NFX1: variants seen among roughly 807,000 people sequenced by gnomAD.
The protein encoded by NFX1 is nuclear transcription factor, X-box binding 1.
Under a neutral mutation model 137.2 loss-of-function variants are expected in NFX1, and 69 were observed. The observed-to-expected ratio is 0.50, with a 90% confidence interval of 0.41 to 0.61. The LOEUF is 0.61. Ranked by LOEUF, NFX1 falls within the 20% of genes least tolerant of loss-of-function variation. NFX1 has a pLI of 0.00. For synonymous variants in NFX1, 495 were observed against 474.1 expected, an observed-to-expected ratio of 1.04 and a Z score of -0.57; for missense variants, 1,167 against 1,391.0, an observed-to-expected ratio of 0.84 and a Z score of 2.56.
At chr9:33,300,678 G>C (rs2118218763) in intron 2 of NFX1, among the ~76,000 whole-genome samples, 1 of 152,332 alleles carries the variant, frequency 6.6e-6, no homozygotes, top group African/African-American at 2.4e-5. Flanking sequence ...ACACTGGTCT[G>C]TGTCACTGGA....
chr9:33,316,389 G>A (rs1822164245), intron 7 of NFX1, among the ~76,000 whole-genome samples: 2 of 151,772 alleles, frequency 1.3e-5, no homozygotes, highest in Admixed American at 6.6e-5. Context: ...CAAGTAGCTG[G>A]CACTACAGAT....
chr9:33,333,894 C>T (rs1020975328), intron 11 of NFX1, among the ~76,000 whole-genome samples: 7 of 152,186 alleles, frequency 4.6e-5, no homozygotes, highest in African/African-American at 1.4e-4. Context: ...CCTGTAATCC[C>T]AGCACTTTGG....
At chr9:33,351,864 G>A (rs2118640781) in intron 16 of NFX1, 74 bp downstream of exon 16, 1 of 1,286,120 alleles carries the variant, frequency 7.8e-7, no homozygotes, top group Non-Finnish European at 1.0e-6. Context: ...ACTGTCTACA[G>A]TGGCCCCTGG....
chr9:33,369,995 T>C lies in NFX1; in HGVS notation c.*17T>C, dbSNP rs1587887961. The C allele has an allele frequency of 1.9e-6, 3 of 1,592,672 alleles. No homozygotes were observed. The South Asian group carries it at 3.3e-5, about 18-fold the overall frequency. ...CAGGACTAAGAAGATCATGATGCAC[T>C]TAGATAAAAGAATGATTAGGTATAG... On this transcript the variant is annotated 3_prime_UTR_variant, in exon 24 of 24. Transcript: ENST00000379540.
At chr9:33,295,459 G>A (rs767403488) in intron 2 of NFX1, 32 bp downstream of exon 2, 8 of 1,563,344 alleles carry the variant, frequency 5.1e-6, no homozygotes, top group Non-Finnish European at 6.9e-6. Flanking sequence ...ATATTTTGTT[G>A]TCTTTTTAAT....
intron 16 of NFX1, 80 bp downstream of exon 16, chr9:33,351,870 C>T: frequency 8.4e-7 from 1 of 1,194,008 alleles, no homozygotes; most frequent in Admixed American, 3.0e-5. Context: ...TACAGTGGCC[C>T]CTGGGCATGC....
intron 10 of NFX1, 31 bp downstream of exon 10, chr9:33,328,709 C>T: frequency 4.0e-6 from 6 of 1,516,040 alleles, no homozygotes; most frequent in Non-Finnish European, 5.5e-6. Context: ...GAGTTGTTGC[C>T]ATCAATGTTT....
intron 9 of NFX1, among the ~76,000 whole-genome samples, chr9:33,328,307 G>T (rs528002430): frequency 2.6e-4 from 40 of 152,120 alleles, no homozygotes; most frequent in African/African-American, 8.7e-4. Flanking sequence ...TTATAGGCAT[G>T]AGCCACCACA....
rs529438655 is a variant in NFX1, at chr9:33,318,518, C to T, written c.1589-213C>T. Among the ~76,000 whole-genome samples the T allele has an allele frequency of 2.6e-5, 4 of 152,166 alleles. 1 individual carries two copies. In the Middle Eastern group the frequency reaches 0.01, roughly 388 times the overall value. ...TTTAACAAGGCTTTTTTAATTTCTT[C>T]CTATGGTAAAGCTCTTAGGCGGGTC... is the stretch of plus-strand genomic sequence containing the variant. On this transcript the variant is annotated intron_variant, in intron 7 of 23. Coordinates refer to ENST00000379540, the MANE Select transcript of NFX1 (RefSeq NM_002504.6).
chr9:33,370,030 A>C lies in NFX1; in HGVS notation c.*52A>C. On this transcript the variant is annotated 3_prime_UTR_variant, in exon 24 of 24. Coordinates refer to ENST00000379540, the MANE Select transcript of NFX1 (RefSeq NM_002504.6). ...GAATGATTAGGTATAGTGGAGACTT[A>C]TTTGCCAGCAGATAAATCATGCCCG... is the stretch of plus-strand genomic sequence containing the variant. 7.1e-7 allele frequency: 1 copy of C among 1,409,468 alleles called. No individual in the cohort carries two copies. The highest frequency in any genetic ancestry group is 1.2e-5 in the South Asian group (1 of 84,236). 87.3% of individuals were successfully genotyped at this position (1,409,468 alleles called of 1,614,324 possible).
rs565212980 is a variant in NFX1, at chr9:33,342,232, TG to T, written c.2116-511del. ...CCCCCAGCACTTTGGGAGGCCAAGGTGGGCGGATCATGAGGTCAGGAGATTG... is the reference window on the plus strand; with the variant it reads ...CCCCCAGCACTTTGGGAGGCCAAGGTGGCGGATCATGAGGTCAGGAGATTG... On this transcript the variant is annotated intron_variant, in intron 12 of 23. Transcript: ENST00000379540. Among the ~76,000 whole-genome samples the T allele has an allele frequency of 5.9e-5, 9 of 151,872 alleles. No homozygotes were observed. The East Asian group carries it at 1.5e-3, about 26-fold the overall frequency.
chr9:33,301,435 C>T lies in NFX1; in HGVS notation c.1192+14C>T, dbSNP rs1410674461. 8 of 1,612,664 alleles carry T rather than the reference C, an allele frequency of 5.0e-6. No homozygotes were observed. The highest frequency in any genetic ancestry group is 5.9e-6 in the Non-Finnish European group (7 of 1,179,354). ...CATCTCAAGCAGGTCAATTAATTCTCTCTTCTGAGTAGTTATTCTCCCCTA... is the reference window on the plus strand; with the variant it reads ...CATCTCAAGCAGGTCAATTAATTCTTTCTTCTGAGTAGTTATTCTCCCCTA... On this transcript the variant is annotated intron_variant, in intron 3 of 23. Transcript: ENST00000379540.
At chr9:33,361,410 T>C (rs1224920995) in intron 19 of NFX1, among the ~76,000 whole-genome samples, 2 of 152,178 alleles carry the variant, frequency 1.3e-5, no homozygotes, top group African/African-American at 4.8e-5. Flanking sequence ...AATTAGCATA[T>C]GCATTACCTC....
rs574525226 is a variant in NFX1 at position 33,360,704 on chromosome 9, C to A, written c.2874-3306C>A. On this transcript the variant is annotated intron_variant, in intron 19 of 23. Transcript: ENST00000379540. ...ATTGTAGAAATAAAAACCTAGCAGG[C>A]CAAATTCAGCCCACAGACAGGTTTT... Among the ~76,000 whole-genome samples the A allele has an allele frequency of 1.2e-4, 19 of 152,210 alleles. No individual in the cohort carries two copies. In the East Asian group the frequency reaches 3.7e-3, roughly 29 times the overall value.
At chr9:33,328,353 A>C (rs1003558590) in intron 9 of NFX1, among the ~76,000 whole-genome samples, 2 of 152,072 alleles carry the variant, frequency 1.3e-5, no homozygotes, top group African/African-American at 2.4e-5. Flanking sequence ...ATCGTCGTAT[A>C]CTTTAAAGCA....
chr9:33,351,423 G>A (rs1254398103), intron 15 of NFX1, 137 bp from the exon 16 acceptor site: 2 of 773,206 alleles, frequency 2.6e-6, no homozygotes, highest in Non-Finnish European at 4.2e-6. Flanking sequence ...TCCAGCCTGG[G>A]CAACAGTGAA....
rs201342989 is a variant in NFX1 at position 33,318,741 on chromosome 9, C to T, written c.1599C>T (p.Cys533=). ...AATTTTCTCTTCAAGTATGCTATTG[C>T]GGCAGCACCTCCCGAGATGTGTTAT... is the stretch of plus-strand genomic sequence containing the variant. ...CQIILNQVCY[C]GSTSRDVLCG... The change falls in exon 8 of 24, where the codon TGC becomes TGT. Residue 533 remains cysteine (C), a synonymous_variant. Coordinates refer to ENST00000379540, the MANE Select transcript of NFX1 (RefSeq NM_002504.6). The T allele has an allele frequency of 6.8e-6, 11 of 1,613,942 alleles. No homozygotes were observed. Among genetic ancestry groups the T allele is most frequent in the East Asian group, 4.5e-5 (2 of 44,876 alleles).
chr9:33,369,545 C>T (rs888989245), intron 23 of NFX1, among the ~76,000 whole-genome samples: 15 of 152,290 alleles, frequency 9.8e-5, no homozygotes, highest in African/African-American at 2.9e-4. Context: ...GTGAGATGCT[C>T]GCTTGGCTTA....
intron 2 of NFX1, 35 bp from the exon 3 acceptor site, chr9:33,301,228 A>T (rs779584046): frequency 1.3e-6 from 2 of 1,588,022 alleles, no homozygotes; most frequent in Admixed American, 1.7e-5. Context: ...TTTGTGTTTG[A>T]GTTAATCTTT....
Sources: gnomAD v4.1 joint callset for allele counts (sites outside exome capture counted in the v4.1 genomes callset) on GRCh38, gnomAD v4.1.1 for gene constraint, MANE v1.5 for transcripts, NCBI Gene and HGNC (gene_info 2026-07-23, HGNC 2026-07-21) for gene names.